Variants in PIGL observed in about 807,000 individuals in gnomAD.
PIGL encodes the protein N-acetylglucosaminyl-phosphatidylinositol de-N-acetylase.
In PIGL, 22 loss-of-function variants were observed where a neutral mutation model predicts 31.1. The ratio of observed to expected loss-of-function variants is 0.71; its 90% CI spans 0.51 to 1.01. The LOEUF is 1.01. Ranked by LOEUF, PIGL falls within the 50% of genes least tolerant of loss-of-function variation. The pLI is 0.00. For synonymous variants in PIGL, 131 were observed against 117.4 expected, an observed-to-expected ratio of 1.12 and a Z score of -0.75; for missense variants, 302 against 315.9, an observed-to-expected ratio of 0.96 and a Z score of 0.33.
rs2092984222 is a variant in PIGL at position 16,296,819 on chromosome 17, C to T, written c.336-3069C>T. On this transcript the variant is annotated intron_variant, in intron 2 of 6. Transcript: ENST00000225609. ...GCAAGCTCCACCTCCCAGGTTCACA[C>T]CACTCTCCTGCCTCAGCCTCCCAAG... Among the ~76,000 whole-genome samples, 5 of 147,062 alleles carry T rather than the reference C, an allele frequency of 3.4e-5. No homozygotes were observed. In the South Asian group the frequency reaches 8.3e-4, roughly 24 times the overall value.
rs929508779 is a variant in PIGL, at chr17:16,250,663, A to G, written c.335+16593A>G. On this transcript the variant is annotated intron_variant, in intron 2 of 6. Transcript: ENST00000225609. ...AAGAGAAGTTTTATAGAGGACCTGTACTCGTAACAATAACAGTAAATATAA... is the reference window on the plus strand; with the variant it reads ...AAGAGAAGTTTTATAGAGGACCTGTGCTCGTAACAATAACAGTAAATATAA... Among the ~76,000 whole-genome samples, 5 of 152,228 alleles carry G rather than the reference A, an allele frequency of 3.3e-5. No individual in the cohort carries two copies. In the South Asian group the frequency reaches 8.3e-4, roughly 25 times the overall value.
chr17:16,245,719 C>T lies in PIGL; in HGVS notation c.335+11649C>T, dbSNP rs914006593. ...TGCCTGGCCTATATATATATACACA[C>T]ATATATATATACACACACACATATA... On this transcript the variant is annotated intron_variant, in intron 2 of 6. Transcript: ENST00000225609. Among the ~76,000 whole-genome samples, 3 of 150,300 alleles carry T rather than the reference C, an allele frequency of 2.0e-5. 1 individual carries two copies. The highest frequency in any genetic ancestry group is 4.4e-5 in the Non-Finnish European group (3 of 67,730).
intron 2 of PIGL, among the ~76,000 whole-genome samples, chr17:16,296,698 A>T (rs1303378012): frequency 1.3e-5 from 2 of 151,160 alleles, no homozygotes; most frequent in African/African-American, 4.9e-5. Flanking sequence ...TGCAGCAATA[A>T]CAGCCACACT....
rs533435212 is a variant in PIGL at position 16,271,511 on chromosome 17, T to A, written c.336-28377T>A. Among the ~76,000 whole-genome samples, 3 of 152,218 alleles carry A rather than the reference T, an allele frequency of 2.0e-5. 1 individual carries two copies. The highest frequency in any genetic ancestry group is 6.8e-3 in the Middle Eastern group (2 of 294). On this transcript the variant is annotated intron_variant, in intron 2 of 6. Transcript: ENST00000225609. Reference sequence around the variant, plus strand: ...TAAACAATAATTTTTTAATGTTAAGTGTGTCCCAAATTTCACATAGAACAC... The same window carrying A: ...TAAACAATAATTTTTTAATGTTAAGAGTGTCCCAAATTTCACATAGAACAC...
chr17:16,263,208 A>G lies in PIGL; in HGVS notation c.335+29138A>G, dbSNP rs558843629. Reference sequence around the variant, plus strand: ...ACAGTTTCTTTTATTTCATTGAGATAGGATCTCGCTCCCAGGCTGGAGTGC... The same window carrying G: ...ACAGTTTCTTTTATTTCATTGAGATGGGATCTCGCTCCCAGGCTGGAGTGC... On this transcript the variant is annotated intron_variant, in intron 2 of 6. Coordinates refer to ENST00000225609, the MANE Select transcript of PIGL (RefSeq NM_004278.4). 1.8e-4 allele frequency among the ~76,000 whole-genome samples: 28 copies of G among 152,230 alleles called. No homozygotes were observed. The South Asian group carries it at 4.1e-3, about 23-fold the overall frequency.
chr17:16,226,441 G>A (rs1327781647), intron 1 of PIGL, among the ~76,000 whole-genome samples: 3 of 152,142 alleles, frequency 2.0e-5, no homozygotes, highest in African/African-American at 4.8e-5. Context: ...GCCTGTGCTA[G>A]GGATAACCAT....
intron 1 of PIGL, among the ~76,000 whole-genome samples, chr17:16,219,344 G>A (rs909909834): frequency 1.6e-4 from 25 of 152,122 alleles, no homozygotes; most frequent in African/African-American, 5.8e-4. Flanking sequence ...ACAGGCGTAA[G>A]CCACCACACC....
intron 2 of PIGL, among the ~76,000 whole-genome samples, chr17:16,257,786 C>T (rs1190793587): frequency 1.3e-5 from 2 of 151,944 alleles, no homozygotes; most frequent in African/African-American, 2.4e-5. Context: ...ATATTTCCAC[C>T]GGGCACGGTG....
intron 2 of PIGL, among the ~76,000 whole-genome samples, chr17:16,291,273 G>A (rs1010164516): frequency 2.0e-5 from 3 of 151,862 alleles, no homozygotes; most frequent in Non-Finnish European, 4.4e-5. Context: ...TTTGGAGGCT[G>A]AGGCGGGCGG....
rs1272293187 is a variant in PIGL at position 16,252,080 on chromosome 17, CT to C, written c.335+18019del. Among the ~76,000 whole-genome samples, 102 of 84,972 alleles carry C rather than the reference CT, an allele frequency of 1.2e-3. 1 individual carries two copies. In the East Asian group the frequency reaches 0.03, roughly 25 times the overall value. 55.7% of individuals were successfully genotyped at this position (84,972 alleles called of 152,430 possible). Reference sequence around the variant, plus strand: ...ATTTTTTTTTCCTTTTTTTTTTTTTCTTTTTTTTTGTTGAGACAGAGTCTCG... The same window carrying C: ...ATTTTTTTTTCCTTTTTTTTTTTTTCTTTTTTTTGTTGAGACAGAGTCTCG... On this transcript the variant is annotated intron_variant, in intron 2 of 6. Transcript: ENST00000225609.
chr17:16,234,347 T>C (rs2092691155), intron 2 of PIGL, among the ~76,000 whole-genome samples: 1 of 151,972 alleles, frequency 6.6e-6, no homozygotes, highest in Non-Finnish European at 1.5e-5. Context: ...CTAAAGAGGC[T>C]GAGGCAGGAG....
In PIGL at chr17:16,317,766, T is replaced by G; in HGVS notation, c.527-9T>G. 1 of 1,613,676 alleles carries G rather than the reference T, an allele frequency of 6.2e-7. No homozygotes were observed. The highest frequency in any genetic ancestry group is 8.5e-7 in the Non-Finnish European group (1 of 1,179,968). ...GCTTATCACTTCACCCTGTCTCCTC[T>G]CCATCCAGGGTGCTCTGTGCTCACG... On this transcript the variant is annotated splice_polypyrimidine_tract_variant and intron_variant, in intron 5 of 6. Transcript: ENST00000225609.
chr17:16,243,743 G>A (rs954825456), intron 2 of PIGL, among the ~76,000 whole-genome samples: 4 of 152,216 alleles, frequency 2.6e-5, no homozygotes, highest in Admixed American at 2.0e-4. Flanking sequence ...TACTCTGTGA[G>A]TGTTGTGATT....
intron 2 of PIGL, among the ~76,000 whole-genome samples, chr17:16,261,703 G>GA (rs1478506729): frequency 6.6e-6 from 1 of 151,540 alleles, no homozygotes; most frequent in Admixed American, 6.6e-5. Context: ...AGACAGGGAT[G>GA]ATCCCTCCAC....
intron 2 of PIGL, among the ~76,000 whole-genome samples, chr17:16,242,994 G>A (rs547317435): frequency 2.0e-5 from 3 of 152,250 alleles, no homozygotes; most frequent in South Asian, 2.1e-4. Context: ...CCGTATTTAT[G>A]ATTTGATTGA....
chr17:16,300,060 C>A, intron 3 of PIGL, 82 bp downstream of exon 3: 1 of 1,007,814 alleles, frequency 9.9e-7, no homozygotes, highest in Non-Finnish European at 1.6e-6. Context: ...TTTTCTGTGG[C>A]CACCCTCCCA....
chr17:16,316,023 G>T (rs1301086865), intron 4 of PIGL, among the ~76,000 whole-genome samples: 1 of 151,978 alleles, frequency 6.6e-6, no homozygotes, highest in Non-Finnish European at 1.5e-5. Flanking sequence ...TACCTCTCAG[G>T]CTCTGCCAGG....
chr17:16,268,412 T>C (rs542475372), intron 2 of PIGL, among the ~76,000 whole-genome samples: 2 of 152,308 alleles, frequency 1.3e-5, no homozygotes, highest in Admixed American at 1.3e-4. Context: ...ATAATTATCA[T>C]AGCTGACATA....
intron 3 of PIGL, among the ~76,000 whole-genome samples, chr17:16,311,931 A>AC (rs1313258389): frequency 5.5e-4 from 83 of 151,978 alleles, no homozygotes; most frequent in African/African-American, 1.9e-3. Context: ...ATTCCACAAA[A>AC]CCGCCATCGT....
Sources: allele counts gnomAD v4.1 joint callset (sites outside exome capture counted in the v4.1 genomes callset), GRCh38; gene constraint gnomAD v4.1.1; transcripts MANE v1.5; gene names NCBI Gene and HGNC (gene_info 2026-07-23, HGNC 2026-07-21).